Variants in CROCC2 observed in about 807,000 individuals in gnomAD.
The protein encoded by CROCC2 is ciliary rootlet coiled-coil protein 2.
In CROCC2, 163 loss-of-function variants were observed where a neutral mutation model predicts 177.6. The observed-to-expected ratio is 0.92, with a 90% CI of 0.81 to 1.05. The LOEUF (loss-of-function observed/expected upper bound fraction) is 1.05, where lower values mean the gene tolerates loss of function less well. CROCC2 is among the 50% of genes least tolerant of loss of function. CROCC2 has a pLI of 0.00. For synonymous variants in CROCC2, 904 were observed against 787.3 expected, an observed-to-expected ratio of 1.15 and a Z score of -2.48; for missense variants, 1,929 against 1,797.8, an observed-to-expected ratio of 1.07 and a Z score of -1.32.
At position 240,949,033 on chromosome 2, in the gene CROCC2, A is replaced by C. The variant is rs1030303988; in HGVS notation, c.2418A>C (p.Thr806=). 4.5e-6 allele frequency: 7 copies of C among 1,549,822 alleles called. No homozygotes were observed. In the African/African-American group the frequency reaches 9.6e-5, roughly 21 times the overall value. The part of the protein sequence containing the change: ...SSLLEAQQLA[T]KLQEQLEEEA... ...TCCTTGAGGCCCAACAGCTGGCCAC[A>C]AAGCTGCAGGAGCAGCTGGAGGAGG... The change falls in exon 16 of 32, where the codon ACA becomes ACC. Residue 806 remains threonine (T), a synonymous_variant. Transcript: ENST00000690015. The surrounding 1 kb of genome is among the most constrained non-coding windows in gnomAD (Gnocchi z 4.5).
At chr2:240,926,512 C>T (rs2059396401) in intron 5 of CROCC2, among the ~76,000 whole-genome samples, 1 of 152,238 alleles carries the variant, frequency 6.6e-6, no homozygotes, top group Non-Finnish European at 1.5e-5. Flanking sequence ...CCCAACAGCC[C>T]TCCAGCAAAG....
intron 14 of CROCC2, among the ~76,000 whole-genome samples, chr2:240,939,608 T>C (rs1264158166): frequency 6.6e-6 from 1 of 152,156 alleles, no homozygotes; most frequent in Non-Finnish European, 1.5e-5. Flanking sequence ...TGAAATAATG[T>C]GAGTCTGGGG....
chr2:240,929,868 G>A (rs2059416332), intron 5 of CROCC2, among the ~76,000 whole-genome samples: 2 of 152,292 alleles, frequency 1.3e-5, no homozygotes, highest in South Asian at 4.1e-4. Context: ...GACTGAGTCA[G>A]CACCTTCTCT....
intron 1 of CROCC2, among the ~76,000 whole-genome samples, chr2:240,913,995 G>A (rs1176417362): frequency 1.3e-5 from 2 of 152,268 alleles, no homozygotes; most frequent in Admixed American, 6.5e-5. Flanking sequence ...GATGCTGGGA[G>A]GGCCATGGAG....
chr2:240,958,535 G>A lies in CROCC2; in HGVS notation c.2944-766G>A, dbSNP rs1376740971. ...GCCATGTGGGCACCTGTGCCCCCAG[G>A]AACACAAAGCCAGCTCTGGAGGGAG... is the stretch of plus-strand genomic sequence containing the variant. On this transcript the variant is annotated intron_variant, in intron 19 of 31. Transcript: ENST00000690015. This position sits in a 1 kb window ranked among gnomAD's most constrained non-coding sequence, Gnocchi z 6.7. The A allele has an allele frequency of 6.1e-6, 6 of 983,120 alleles. No homozygotes were observed. Among genetic ancestry groups the A allele is most frequent in the Non-Finnish European group, 7.2e-6 (6 of 827,850 alleles). 60.9% of individuals were successfully genotyped at this position (983,120 alleles called of 1,614,324 possible). A position where few individuals can be genotyped will look rare whatever the true frequency, so the allele number is the denominator to read the frequency against.
chr2:240,947,757 G>A (rs1374291710), intron 15 of CROCC2, among the ~76,000 whole-genome samples: 1 of 152,104 alleles, frequency 6.6e-6, no homozygotes, highest in Non-Finnish European at 1.5e-5. Flanking sequence ...CAGCAGTGGG[G>A]ACCTGCTCCC....
intron 3 of CROCC2, among the ~76,000 whole-genome samples, chr2:240,921,576 C>T (rs1198719274): frequency 1.1e-4 from 16 of 152,242 alleles, no homozygotes; most frequent in Admixed American, 1.0e-3. Context: ...CAGCCCAGTG[C>T]ACGCCAGCTC....
intron 27 of CROCC2, among the ~76,000 whole-genome samples, chr2:240,976,033 G>C (rs1462487238): frequency 1.3e-5 from 2 of 152,190 alleles, no homozygotes; most frequent in Non-Finnish European, 2.9e-5. Context: ...GCCCAGCCCA[G>C]CCTTCTTTTG....
At chr2:240,975,426 G>A (rs2059753274) in intron 27 of CROCC2, among the ~76,000 whole-genome samples, 1 of 152,228 alleles carries the variant, frequency 6.6e-6, no homozygotes, top group Non-Finnish European at 1.5e-5. Flanking sequence ...CGCCAGTGCA[G>A]GGAGACCAGG....
At position 240,933,754 on chromosome 2, in the gene CROCC2, C is replaced by CG; in HGVS notation, c.1549dup (p.Glu517GlyfsTer71). On this transcript the variant is annotated frameshift_variant, in exon 11 of 32. Coordinates refer to ENST00000690015, the MANE Select transcript of CROCC2 (RefSeq NM_001351305.2). LOFTEE classifies it high-confidence loss of function. ...ATGCGGAGAAGCAGGGGCTGGAGGC[C>CG]GAGGCTGCAGAGCTGCAGAGAAGCC... The CG allele has an allele frequency of 2.6e-6, 4 of 1,549,872 alleles. 1 individual carries two copies. In the South Asian group the frequency reaches 4.8e-5, roughly 18 times the overall value.
chr2:240,954,190 C>T (rs2059575182), intron 18 of CROCC2, among the ~76,000 whole-genome samples: 1 of 152,228 alleles, frequency 6.6e-6, no homozygotes, highest in African/African-American at 2.4e-5. Flanking sequence ...CTCCCCTTCA[C>T]TAGGCCACTC....
At chr2:240,971,253 T>A (rs1291567358) in intron 27 of CROCC2, among the ~76,000 whole-genome samples, 1 of 152,162 alleles carries the variant, frequency 6.6e-6, no homozygotes, top group Non-Finnish European at 1.5e-5. Flanking sequence ...ACTCTTCACA[T>A]CCACAAAGTC....
chr2:240,949,648 G>A lies in CROCC2; in HGVS notation c.2598G>A (p.Leu866=). ...AQQEREAQRA[L]ESQALAHREA... Reference sequence around the variant, plus strand: ...AGGAGCGGGAGGCACAGCGGGCCCTGGAGAGCCAGGCGTTGGCCCACCGAG... The same window carrying A: ...AGGAGCGGGAGGCACAGCGGGCCCTAGAGAGCCAGGCGTTGGCCCACCGAG... Residue 866 remains leucine, a synonymous_variant, in exon 17 of 32, where the codon CTG becomes CTA. Coordinates refer to ENST00000690015, the MANE Select transcript of CROCC2 (RefSeq NM_001351305.2). The surrounding 1 kb of genome is among the most constrained non-coding windows in gnomAD (Gnocchi z 4.5). The A allele has an allele frequency of 6.5e-7, 1 of 1,547,030 alleles. No individual in the cohort carries two copies. The highest frequency in any genetic ancestry group is 1.2e-5 in the South Asian group (1 of 83,790).
At chr2:240,967,039 C>T (rs1248919993) in intron 25 of CROCC2, among the ~76,000 whole-genome samples, 6 of 152,158 alleles carry the variant, frequency 3.9e-5, no homozygotes, top group Admixed American at 3.9e-4. Flanking sequence ...TCCCCCTGAC[C>T]ACAGGCTGTG....
At position 240,982,721 on chromosome 2, in the gene CROCC2, A is replaced by C. The variant is rs1032699172; in HGVS notation, c.4402-159A>C. On this transcript the variant is annotated intron_variant, in intron 27 of 31. Coordinates refer to ENST00000690015, the MANE Select transcript of CROCC2 (RefSeq NM_001351305.2). The surrounding 1 kb of genome is among the most constrained non-coding windows in gnomAD (Gnocchi z 4.7). ...ACATTGCAAACACAATCACCTGATC[A>C]ACGCACTTCAGGTTGTCCTTAACCA... 3.3e-6 allele frequency: 2 copies of C among 614,740 alleles called. No homozygotes were observed. Among genetic ancestry groups the C allele is most frequent in the Non-Finnish European group, 5.6e-6 (2 of 354,816 alleles). 38.1% of individuals were successfully genotyped at this position (614,740 alleles called of 1,614,324 possible).
chr2:240,950,718 T>C, intron 18 of CROCC2: 1 of 529,708 alleles, frequency 1.9e-6, no homozygotes, highest in South Asian at 2.8e-5. Context: ...CACCCATCCA[T>C]CCACCCATCC....
rs115599312 is a variant in CROCC2 at position 240,946,442 on chromosome 2, C to A, written c.2363+189C>A. ...TTGGGGGAGGGCATCTGGAAGAGGT[C>A]AACCCAGTGAAAGCGCTGGGGTCAC... On this transcript the variant is annotated intron_variant, in intron 15 of 31. Coordinates refer to ENST00000690015, the MANE Select transcript of CROCC2 (RefSeq NM_001351305.2). Among the ~76,000 whole-genome samples the A allele has an allele frequency of 7.8e-3, 1,181 of 152,310 alleles. 13 individuals carry two copies. The highest frequency in any genetic ancestry group is 0.027 in the African/African-American group (1,132 of 41,574).
At chr2:240,968,716 C>T (rs1413146735) in intron 27 of CROCC2, among the ~76,000 whole-genome samples, 3 of 152,258 alleles carry the variant, frequency 2.0e-5, no homozygotes, top group Admixed American at 2.0e-4. Context: ...GTGGCTCAGA[C>T]ACAGAAGGGG....
intron 1 of CROCC2, among the ~76,000 whole-genome samples, chr2:240,916,191 C>T (rs1193218038): frequency 1.3e-5 from 2 of 151,988 alleles, no homozygotes; most frequent in Non-Finnish European, 2.9e-5. Context: ...CTTAGGCTGG[C>T]GGCACAGGCC....
Sources: allele counts gnomAD v4.1 joint callset (sites outside exome capture counted in the v4.1 genomes callset), GRCh38; gene constraint gnomAD v4.1.1; non-coding constraint Gnocchi (gnomAD v3.1); transcripts MANE v1.5; gene names NCBI Gene and HGNC (gene_info 2026-07-23, HGNC 2026-07-21).